SYNJ1: variants seen among roughly 807,000 people sequenced by gnomAD.
SYNJ1 encodes polyphosphatidylinositol phosphatase SYNJ1.
A neutral mutation model predicts 168.2 loss-of-function variants in SYNJ1; 78 were observed. The ratio of observed to expected loss-of-function variants is 0.46; its 90% CI spans 0.39 to 0.56. SYNJ1 has a LOEUF of 0.56. Ranked by LOEUF, SYNJ1 falls within the 20% of genes least tolerant of loss-of-function variation. The pLI is 0.00. For missense variants in SYNJ1, 1,303 were observed against 1,597.6 expected (o/e 0.82, Z 3.14); for synonymous variants, 539 against 548.6 (o/e 0.98, Z 0.24).
intron 11 of SYNJ1, among the ~76,000 whole-genome samples, chr21:32,680,443 C>T (rs2041576612): frequency 6.6e-6 from 1 of 151,896 alleles, no homozygotes; most frequent in Non-Finnish European, 1.5e-5. Flanking sequence ...TCAAGTGAGG[C>T]CAGGATCCTT....
In SYNJ1 at chr21:32,639,735, G is replaced by T. The variant is rs771394723; in HGVS notation, c.3633C>A (p.His1211Gln). 1.2e-6 allele frequency: 2 copies of T among 1,614,134 alleles called. No individual in the cohort carries two copies. The highest frequency in any genetic ancestry group is 2.2e-5 in the East Asian group (1 of 44,872). The change falls in exon 30 of 33, where the codon CAC (histidine) becomes CAA (glutamine). Residue 1211 changes from histidine to glutamine, a missense_variant. Physicochemically the swap from His to Gln is conservative, Grantham distance 24. Transcript: ENST00000674351. ...TCAGTCTTCCAGCAGATGCCCGCGC[G>T]TGGCTCTGTGGGGCACTGATAACTC... is the stretch of plus-strand genomic sequence containing the variant. ...RAGVISAPQSHARASAGRLTP... is the reference protein window; with the variant it reads ...RAGVISAPQSQARASAGRLTP...
In SYNJ1 at chr21:32,695,250, T is replaced by C; in HGVS notation, c.512A>G (p.Tyr171Cys). ...NQSLHLHLKH[Y>C]GVNCDDWLLR... Reference sequence around the variant, plus strand: ...TAACCAGTCATCACAATTCACGCCATAGTGTTTGAGATGCAAATGCAAAGA... The same window carrying C: ...TAACCAGTCATCACAATTCACGCCACAGTGTTTGAGATGCAAATGCAAAGA... The change falls in exon 5 of 33, where the codon TAT (tyrosine) becomes TGT (cysteine). Residue 171 changes from tyrosine to cysteine, a missense_variant. Physicochemically the swap from Tyr to Cys is radical, Grantham distance 194. Around this residue, in one of 2 missense-constraint regions of SYNJ1, gnomAD observed 920 missense variants for 1,208.8 expected, o/e 0.76. Transcript: ENST00000674351. 6.2e-7 allele frequency: 1 copy of C among 1,614,074 alleles called. No individual in the cohort carries two copies. The highest frequency in any genetic ancestry group is 8.5e-7 in the Non-Finnish European group (1 of 1,179,974).
intron 2 of SYNJ1, among the ~76,000 whole-genome samples, chr21:32,723,486 T>C (rs1308518561): frequency 2.0e-5 from 3 of 152,148 alleles, no homozygotes; most frequent in Non-Finnish European, 4.4e-5. Context: ...AACACCTACA[T>C]ATGAGCATTT....
intron 27 of SYNJ1, among the ~76,000 whole-genome samples, 183 bp downstream of exon 27, chr21:32,643,227 T>C (rs1381861220): frequency 2.6e-5 from 4 of 151,068 alleles, no homozygotes; most frequent in Admixed American, 1.3e-4. Flanking sequence ...TTAGAAACTA[T>C]AGGTGACATA....
chr21:32,667,111 CAA>C (rs138649719), intron 15 of SYNJ1, among the ~76,000 whole-genome samples: 2 of 121,892 alleles, frequency 1.6e-5, no homozygotes, highest in Non-Finnish European at 1.8e-5. Context: ...GTAAAAAAGA[CAA>C]AAAAAAAAAG....
chr21:32,709,001 C>A (rs907784850), intron 2 of SYNJ1, among the ~76,000 whole-genome samples: 1 of 152,052 alleles, frequency 6.6e-6, no homozygotes, highest in Non-Finnish European at 1.5e-5. Flanking sequence ...TGAGGGATAA[C>A]CAAAACTTGC....
At chr21:32,685,619 A>T in intron 9 of SYNJ1, 129 bp downstream of exon 9, 1 of 577,624 alleles carries the variant, frequency 1.7e-6, no homozygotes, top group Non-Finnish European at 2.4e-6. Context: ...AAATAAAAAT[A>T]AAATGAAATA....
chr21:32,683,951 T>G (rs1391913990), intron 10 of SYNJ1, 87 bp downstream of exon 10: 4 of 1,162,166 alleles, frequency 3.4e-6, no homozygotes, highest in Non-Finnish European at 5.1e-6. Context: ...ATACACTTTC[T>G]GGAAGGTAAT....
chr21:32,665,905 C>A (rs1244617406), intron 17 of SYNJ1, 38 bp downstream of exon 17: 10 of 1,526,220 alleles, frequency 6.6e-6, no homozygotes. Context: ...AAATATATTT[C>A]AAAGCTTTAT....
chr21:32,724,865 G>GAA (rs1229309999), intron 2 of SYNJ1, among the ~76,000 whole-genome samples: 1 of 152,180 alleles, frequency 6.6e-6, no homozygotes, highest in Non-Finnish European at 1.5e-5. Context: ...TAGCTTTACA[G>GAA]AAAGAGTCAA....
rs891922584 is a variant in SYNJ1, at chr21:32,720,240, TCAAAAA to T, written c.124+6526_124+6531del. Among the ~76,000 whole-genome samples, 14 of 152,128 alleles carry T rather than the reference TCAAAAA, an allele frequency of 9.2e-5. No homozygotes were observed. The East Asian group carries it at 1.2e-3, about 13-fold the overall frequency. On this transcript the variant is annotated intron_variant, in intron 2 of 32. Transcript: ENST00000674351. ...GGCAACAAGAGCGAAACTCTCCCTC[TCAAAAA>T]CAAAAACAAAAACAAAAACAACTTA...
intron 12 of SYNJ1, 84 bp downstream of exon 12, chr21:32,678,561 T>G: frequency 3.6e-6 from 5 of 1,403,160 alleles, no homozygotes; most frequent in Non-Finnish European, 4.7e-6. Context: ...TTTAACCAAC[T>G]AAAAATTCTG....
intron 4 of SYNJ1, among the ~76,000 whole-genome samples, chr21:32,697,947 G>T (rs907228258): frequency 6.6e-6 from 1 of 152,184 alleles, no homozygotes; most frequent in Non-Finnish European, 1.5e-5. Context: ...GGAAAAAAAT[G>T]TAAGGACAGC....
intron 2 of SYNJ1, among the ~76,000 whole-genome samples, chr21:32,713,239 G>T (rs1195352661): frequency 6.8e-6 from 1 of 146,488 alleles, no homozygotes; most frequent in Non-Finnish European, 1.5e-5. Context: ...TGTCAACATG[G>T]ATGATTTCCC....
intron 15 of SYNJ1, among the ~76,000 whole-genome samples, chr21:32,669,286 C>CT (rs1335561646): frequency 6.6e-6 from 1 of 152,004 alleles, no homozygotes; most frequent in East Asian, 1.9e-4. Context: ...TCAACTAAGC[C>CT]TGTCTCTTTA....
chr21:32,675,263 G>A (rs1014317882), intron 13 of SYNJ1, among the ~76,000 whole-genome samples: 6 of 151,980 alleles, frequency 3.9e-5, no homozygotes, highest in African/African-American at 1.5e-4. Context: ...GAATAAAAAC[G>A]TACTGCCTCA....
chr21:32,723,968 G>A (rs2043348368), intron 2 of SYNJ1, among the ~76,000 whole-genome samples: 1 of 152,184 alleles, frequency 6.6e-6, no homozygotes, highest in South Asian at 2.1e-4. Flanking sequence ...GTAGGACCTC[G>A]GTGGGACTGA....
At position 32,727,926 on chromosome 21, in the gene SYNJ1, C is replaced by A. The variant is rs1022879813; in HGVS notation, c.-23+20G>T. ...TGGGTCTGGCCGCAGCAGCTCCCCG[C>A]CCCCCGCCGGCTTGCTCACCTCTTC... On this transcript the variant is annotated intron_variant, in intron 1 of 32. Coordinates refer to ENST00000674351, the MANE Select transcript of SYNJ1 (RefSeq NM_203446.3). 2 of 1,531,864 alleles carry A rather than the reference C, an allele frequency of 1.3e-6. No individual in the cohort carries two copies. Among genetic ancestry groups the A allele is most frequent in the Non-Finnish European group, 8.7e-7 (1 of 1,145,536 alleles). The allele number at this position is 1,531,864 out of a possible 1,614,324, so 94.9% of individuals were successfully genotyped here. A position where few individuals can be genotyped will look rare whatever the true frequency, so the allele number is the denominator to read the frequency against.
Position 32,673,372 on chromosome 21 carries a change from G to A in SYNJ1, c.1694C>T (p.Ala565Val), listed in dbSNP as rs1408984657. The A allele has an allele frequency of 1.2e-6, 2 of 1,611,224 alleles. No individual in the cohort carries two copies. Among genetic ancestry groups the A allele is most frequent in the Non-Finnish European group, 1.7e-6 (2 of 1,178,938 alleles). The change falls in exon 14 of 33, where the codon GCA becomes GTA. Residue 565 changes from alanine to valine, a missense_variant. By Grantham distance (64) the Ala-to-Val change is moderately conservative. Transcript: ENST00000674351. ...NQTLTDWLLD[A>V]PKLAGIQEFQ... is the part of the protein sequence containing the mutation. ...CTCCTGGATGCCAGCTAACTTGGGT[G>A]CATCAAGAAGCCAGTCAGTGAGTGT... is the stretch of plus-strand genomic sequence containing the variant.
Sources: allele counts gnomAD v4.1 joint callset (sites outside exome capture counted in the v4.1 genomes callset), GRCh38; gene constraint gnomAD v4.1.1; regional missense constraint gnomAD v4.1.1; transcripts MANE v1.5; gene names NCBI Gene and HGNC (gene_info 2026-07-23, HGNC 2026-07-21).